The following SORCS1 variants were observed in gnomAD, a reference collection of about 807,000 sequenced individuals.
SORCS1 encodes the protein sortilin related VPS10 domain containing receptor 1.
SORCS1 carries 60 observed loss-of-function variants against 146.1 expected under a neutral mutation model. The ratio of observed to expected loss-of-function variants is 0.41; its 90% CI spans 0.33 to 0.51. The LOEUF (loss-of-function observed/expected upper bound fraction) is 0.51, where lower values mean the gene tolerates loss of function less well. Ranked by LOEUF, SORCS1 falls within the 20% of genes least tolerant of loss-of-function variation. The pLI is 0.21. For synonymous variants in SORCS1, 637 were observed against 584.0 expected, an observed-to-expected ratio of 1.09 and a Z score of -1.31; for missense variants, 1,352 against 1,487.6, an observed-to-expected ratio of 0.91 and a Z score of 1.50.
At chr10:107,074,225 C>T (rs1206823615) in intron 1 of SORCS1, among the ~76,000 whole-genome samples, 1 of 152,184 alleles carries the variant, frequency 6.6e-6, no homozygotes, top group Non-Finnish European at 1.5e-5. Flanking sequence ...ACCGGGCAAC[C>T]ACTCATCTTT....
intron 3 of SORCS1, among the ~76,000 whole-genome samples, chr10:106,804,840 T>C (rs1947084500): frequency 6.6e-6 from 1 of 152,194 alleles, no homozygotes; most frequent in African/African-American, 2.4e-5. Context: ...AATATCATTG[T>C]TTCTAAAGAT....
At chr10:107,100,715 T>C (rs1964867787) in intron 1 of SORCS1, among the ~76,000 whole-genome samples, 1 of 152,090 alleles carries the variant, frequency 6.6e-6, no homozygotes, top group South Asian at 2.1e-4. Context: ...TGGATCTTGA[T>C]TACTCTCTCC....
At chr10:106,647,227 A>G (rs1056532851) in intron 18 of SORCS1, among the ~76,000 whole-genome samples, 1 of 151,796 alleles carries the variant, frequency 6.6e-6, no homozygotes, top group Non-Finnish European at 1.5e-5. Flanking sequence ...TTTTTATAAT[A>G]CTGAGTCTTC....
At chr10:106,824,606 G>C (rs1220273303) in intron 3 of SORCS1, among the ~76,000 whole-genome samples, 1 of 142,708 alleles carries the variant, frequency 7.0e-6, no homozygotes, top group Admixed American at 6.9e-5. Flanking sequence ...AAAAAAAAAA[G>C]TCACATACAT....
At chr10:106,667,637 G>T in intron 17 of SORCS1, 52 bp downstream of exon 17, 1 of 1,220,868 alleles carries the variant, frequency 8.2e-7, no homozygotes, top group Non-Finnish European at 1.2e-6. Context: ...TATAACACGT[G>T]CTGAAAGGCA....
At chr10:106,918,971 G>C (rs1052770297) in intron 2 of SORCS1, among the ~76,000 whole-genome samples, 10 of 152,030 alleles carry the variant, frequency 6.6e-5, no homozygotes, top group African/African-American at 2.2e-4. Context: ...CATGTAGCTG[G>C]GACCACAGGT....
At chr10:107,143,287 T>C (rs1293985141) in intron 1 of SORCS1, among the ~76,000 whole-genome samples, 1 of 152,180 alleles carries the variant, frequency 6.6e-6, no homozygotes, top group Non-Finnish European at 1.5e-5. Flanking sequence ...ATTATGTCAC[T>C]CCTTTATACA....
chr10:106,649,112 C>T (rs1248246635), intron 18 of SORCS1, among the ~76,000 whole-genome samples: 1 of 152,184 alleles, frequency 6.6e-6, no homozygotes, highest in African/African-American at 2.4e-5. Flanking sequence ...ACTCTCCAAG[C>T]CCAGGTGTGA....
At position 107,164,647 on chromosome 10, in the gene SORCS1, G is replaced by C. The variant is rs1969978844; in HGVS notation, c.-121C>G. 1.2e-6 allele frequency: 1 copy of C among 816,352 alleles called. No homozygotes were observed. The highest frequency in any genetic ancestry group is 1.7e-6 in the Non-Finnish European group (1 of 606,054). 50.6% of individuals were successfully genotyped at this position (816,352 alleles called of 1,614,324 possible). On this transcript the variant is annotated 5_prime_UTR_variant, in exon 1 of 26. Coordinates refer to ENST00000263054, the MANE Select transcript of SORCS1 (RefSeq NM_052918.5). The surrounding 1 kb of genome is among the most constrained non-coding windows in gnomAD (Gnocchi z 6.8). ...CCAACTCCATCCAAGTTGCGCCGCGGTGGGGGCGGGCGGAGGCGGCGCCGG... is the reference window on the plus strand; with the variant it reads ...CCAACTCCATCCAAGTTGCGCCGCGCTGGGGGCGGGCGGAGGCGGCGCCGG...
intron 2 of SORCS1, among the ~76,000 whole-genome samples, chr10:106,941,090 C>T (rs935085891): frequency 1.3e-5 from 2 of 152,028 alleles, no homozygotes; most frequent in Admixed American, 6.6e-5. Flanking sequence ...AAGGGTATAA[C>T]GATAGTACCA....
intron 3 of SORCS1, among the ~76,000 whole-genome samples, chr10:106,797,681 T>A (rs1278869016): frequency 6.6e-6 from 1 of 152,158 alleles, no homozygotes; most frequent in African/African-American, 2.4e-5. Flanking sequence ...TTATTCAGTA[T>A]CATCTCCATG....
intron 6 of SORCS1, among the ~76,000 whole-genome samples, chr10:106,717,567 T>G (rs1428631701): frequency 2.0e-5 from 3 of 152,216 alleles, no homozygotes; most frequent in Non-Finnish European, 4.4e-5. Flanking sequence ...TATTGTATTT[T>G]ATTGTTGGCC....
Position 106,699,276 on chromosome 10 carries a change from C to T in SORCS1, c.1351G>A (p.Ala451Thr), listed in dbSNP as rs144800986. The change falls in exon 9 of 26, where the codon GCC becomes ACC. Residue 451 changes from alanine to threonine, a missense_variant. Physicochemically the swap from Ala to Thr is moderately conservative, Grantham distance 58. Transcript: ENST00000263054. ...SDTRGVYFTL[A>T]LENVQSSRGP... ...CTGCTGCTCTGGACATTCTCCAAGG[C>T]CAGGGTGAAGTAGACACCACGTGTG... The T allele has an allele frequency of 9.3e-6, 15 of 1,613,970 alleles. No individual in the cohort carries two copies. In the East Asian group the frequency reaches 3.3e-4, roughly 36 times the overall value.
At chr10:107,158,275 T>C (rs1045172740) in intron 1 of SORCS1, among the ~76,000 whole-genome samples, 6 of 152,234 alleles carry the variant, frequency 3.9e-5, no homozygotes, top group African/African-American at 1.2e-4. Flanking sequence ...TTGATGTGTA[T>C]ATTTTTTGCT....
chr10:106,981,337 T>C (rs1425432571), intron 1 of SORCS1, among the ~76,000 whole-genome samples: 2 of 152,132 alleles, frequency 1.3e-5, no homozygotes, highest in Non-Finnish European at 2.9e-5. Context: ...TAAATCTGAA[T>C]TCTAGTGCAA....
intron 1 of SORCS1, among the ~76,000 whole-genome samples, chr10:107,057,558 T>C (rs370632426): frequency 6.6e-6 from 1 of 152,300 alleles, no homozygotes; most frequent in East Asian, 1.9e-4. Context: ...CTAAGCCAGA[T>C]AGAGTTTCCA....
chr10:107,051,979 C>G (rs1960168077), intron 1 of SORCS1, among the ~76,000 whole-genome samples: 1 of 152,146 alleles, frequency 6.6e-6, no homozygotes, highest in Non-Finnish European at 1.5e-5. Flanking sequence ...TGGTGTTGCA[C>G]AGAACTGTTT....
intron 24 of SORCS1, among the ~76,000 whole-genome samples, chr10:106,596,718 A>G (rs74480905): frequency 0.01 from 1,557 of 152,262 alleles, 33 homozygotes; most frequent in African/African-American, 0.036. Flanking sequence ...TGTAATATGA[A>G]TATGTTGAAA....
At chr10:106,734,097 A>G (rs1274428527) in intron 5 of SORCS1, among the ~76,000 whole-genome samples, 2 of 152,216 alleles carry the variant, frequency 1.3e-5, no homozygotes, top group Non-Finnish European at 2.9e-5. Flanking sequence ...CTCTGTAAAT[A>G]TATGATAAAA....
Sources: allele counts gnomAD v4.1 joint callset (sites outside exome capture counted in the v4.1 genomes callset), GRCh38; gene constraint gnomAD v4.1.1; non-coding constraint Gnocchi (gnomAD v3.1); transcripts MANE v1.5; gene names NCBI Gene and HGNC (gene_info 2026-07-23, HGNC 2026-07-21).